TNRC18: variants seen among roughly 807,000 people sequenced by gnomAD.
The protein encoded by TNRC18 is trinucleotide repeat-containing gene 18 protein.
A neutral mutation model predicts 226.7 loss-of-function variants in TNRC18; 69 were observed. The observed-to-expected ratio is 0.30, with a 90% confidence interval of 0.25 to 0.37. The LOEUF (loss-of-function observed/expected upper bound fraction) is 0.37. Among genes scored for constraint, TNRC18 ranks in the 10% least tolerant of loss-of-function variants. TNRC18 has a pLI of 1.00. For synonymous variants in TNRC18, 2,449 were observed against 1,927.6 expected (o/e 1.27, Z -7.09); for missense variants, 4,754 against 4,256.6 (o/e 1.12, Z -3.25).
At chr7:5,340,258 A>C (rs1344603932) in intron 18 of TNRC18, among the ~76,000 whole-genome samples, 1 of 152,234 alleles carries the variant, frequency 6.6e-6, no homozygotes, top group Non-Finnish European at 1.5e-5. Flanking sequence ...TTCATTGCTG[A>C]CATAGAGAAA....
At chr7:5,345,214 G>A (rs991028543) in intron 18 of TNRC18, among the ~76,000 whole-genome samples, 2 of 152,244 alleles carry the variant, frequency 1.3e-5, no homozygotes, top group African/African-American at 4.8e-5. Context: ...GCCAGACTGG[G>A]TGTCACCAAC....
At chr7:5,421,917 C>A (rs1782610488) in intron 1 of TNRC18, among the ~76,000 whole-genome samples, 1 of 152,262 alleles carries the variant, frequency 6.6e-6, no homozygotes, top group Non-Finnish European at 1.5e-5. Flanking sequence ...TCCCAAAACA[C>A]TCTGGCACTA....
intron 17 of TNRC18, among the ~76,000 whole-genome samples, chr7:5,350,548 T>A (rs1334734587): frequency 6.6e-6 from 1 of 152,168 alleles, no homozygotes; most frequent in Non-Finnish European, 1.5e-5. Flanking sequence ...CAGGTGTGGC[T>A]ACCCAGGGCC....
intron 24 of TNRC18, 45 bp downstream of exon 24, chr7:5,320,273 T>G: frequency 7.8e-5 from 113 of 1,448,782 alleles, no homozygotes; most frequent in Non-Finnish European, 1.0e-4. Flanking sequence ...AAGTCCATAC[T>G]GAGATGTTAG....
intron 5 of TNRC18, among the ~76,000 whole-genome samples, chr7:5,380,930 G>C (rs1779353265): frequency 6.6e-6 from 1 of 152,294 alleles, no homozygotes; most frequent in East Asian, 1.9e-4. Context: ...GGTCCTCCTG[G>C]AGTCTGGGAC....
At chr7:5,421,992 T>A (rs1408615651) in intron 1 of TNRC18, among the ~76,000 whole-genome samples, 3 of 152,300 alleles carry the variant, frequency 2.0e-5, no homozygotes, top group Admixed American at 2.0e-4. Flanking sequence ...GAGTTTGGTT[T>A]TTCCTGAGCT....
In TNRC18 at chr7:5,376,134, T is replaced by G; in HGVS notation, c.2699A>C (p.Gln900Pro). Residue 900 changes from glutamine (Q) to proline (P), a missense_variant, in exon 9 of 30, where the codon CAG becomes CCG. Physicochemically the swap from Gln to Pro is moderately conservative, Grantham distance 76. Transcript: ENST00000430969. The part of the protein sequence containing the change: ...RSPLHHAQQL[Q>P]LFSQQHFLRQ... ...CAGGAAGTGCTGCTGTGAGAAGAGC[T>G]GCAGCTGCTGGGCGTGGTGCAGGGG... The G allele has an allele frequency of 6.3e-7, 1 of 1,589,112 alleles. No individual in the cohort carries two copies.
Position 5,393,776 on chromosome 7 carries a change from G to A in TNRC18, c.343+664C>T, listed in dbSNP as rs182577491. Among the ~76,000 whole-genome samples, 81 of 152,276 alleles carry A rather than the reference G, an allele frequency of 5.3e-4. 1 individual carries two copies. Among genetic ancestry groups the A allele is most frequent in the African/African-American group, 1.9e-3 (78 of 41,546 alleles). ...CTAGAGAAATCCAGAATCTGCTCAC[G>A]ACCCCGGGGAAGCCAGGCCTGCAGA... is the stretch of plus-strand genomic sequence containing the variant. On this transcript the variant is annotated intron_variant, in intron 3 of 29. Coordinates refer to ENST00000430969, the MANE Select transcript of TNRC18 (RefSeq NM_001080495.3).
At position 5,388,795 on chromosome 7, in the gene TNRC18, C is replaced by G; in HGVS notation, c.1029G>C (p.Lys343Asn). The G allele has an allele frequency of 8.3e-7, 1 of 1,201,272 alleles. No individual in the cohort carries two copies. Among genetic ancestry groups the G allele is most frequent in the Non-Finnish European group, 1.0e-6 (1 of 967,320 alleles). The allele number at this position is 1,201,272 out of a possible 1,614,324, so 74.4% of individuals were successfully genotyped here. Residue 343 changes from lysine (K) to asparagine (N), a missense_variant, in exon 5 of 30, where the codon AAG becomes AAC. Physicochemically the swap from Lys to Asn is moderately conservative, Grantham distance 94 (BLOSUM62 0). Coordinates refer to ENST00000430969, the MANE Select transcript of TNRC18 (RefSeq NM_001080495.3). Reference sequence around the variant, plus strand: ...TGGCCGCGGGGGGTGCAGGAGGCCCCTTGGGGGGCGCGGGCGGCGGGGGCA... The same window carrying G: ...TGGCCGCGGGGGGTGCAGGAGGCCCGTTGGGGGGCGCGGGCGGCGGGGGCA... The part of the protein sequence containing the change: ...SPLPPPPAPP[K>N]GPPAPPAATP...
chr7:5,334,478 T>A (rs930056400), intron 18 of TNRC18, among the ~76,000 whole-genome samples: 19 of 144,364 alleles, frequency 1.3e-4, no homozygotes, highest in Non-Finnish European at 2.0e-4. Flanking sequence ...TTTTTTTTTT[T>A]AGTAGAGACG....
chr7:5,360,890 C>G (rs1792964397), intron 14 of TNRC18, among the ~76,000 whole-genome samples: 1 of 152,184 alleles, frequency 6.6e-6, no homozygotes, highest in Non-Finnish European at 1.5e-5. Context: ...CCCCCACGCT[C>G]CTTCTGCTTC....
At chr7:5,408,429 C>A (rs1781624609) in intron 2 of TNRC18, among the ~76,000 whole-genome samples, 1 of 152,080 alleles carries the variant, frequency 6.6e-6, no homozygotes, top group Non-Finnish European at 1.5e-5. Context: ...GGGTAGATCA[C>A]CTGAGGTCAG....
At position 5,307,064 on chromosome 7, in the gene TNRC18, A is replaced by C. The variant is rs1412230914; in HGVS notation, c.*1042T>G. ...GCCTCTCCCTCTTCTCTCCCTAACA[A>C]ACACTTCTCTATCCTGGGGGGTGAG... On this transcript the variant is annotated 3_prime_UTR_variant, in exon 30 of 30. Coordinates refer to ENST00000430969, the MANE Select transcript of TNRC18 (RefSeq NM_001080495.3). The C allele has an allele frequency of 7.0e-6, 1 of 143,030 alleles. No homozygotes were observed. The highest frequency in any genetic ancestry group is 6.9e-5 in the Admixed American group (1 of 14,392). The allele number at this position is 143,030 out of a possible 1,614,324, so 8.9% of individuals were successfully genotyped here.
At chr7:5,331,039 T>C (rs1789474653) in intron 19 of TNRC18, among the ~76,000 whole-genome samples, 1 of 152,164 alleles carries the variant, frequency 6.6e-6, no homozygotes, top group Admixed American at 6.6e-5. Context: ...AAACCTGAGA[T>C]GGCCTCTGCC....
In TNRC18 at chr7:5,388,619, C is replaced by A. The variant is rs1404976757; in HGVS notation, c.1205G>T (p.Arg402Leu). Residue 402 changes from arginine to leucine, a missense_variant, in exon 5 of 30, where the codon CGC becomes CTC. Coordinates refer to ENST00000430969, the MANE Select transcript of TNRC18 (RefSeq NM_001080495.3). ...SQARDARAREREAGRPGVLQA... is the reference protein window; with the variant it reads ...SQARDARARELEAGRPGVLQA... Reference sequence around the variant, plus strand: ...CAGGACCCCTGGCCTGCCAGCCTCGCGCTCGCGGGCCCGGGCATCGCGCGC... The same window carrying A: ...CAGGACCCCTGGCCTGCCAGCCTCGAGCTCGCGGGCCCGGGCATCGCGCGC... The A allele has an allele frequency of 7.8e-7, 1 of 1,284,298 alleles. No homozygotes were observed. The allele number at this position is 1,284,298 out of a possible 1,614,324, so 79.6% of individuals were successfully genotyped here.
At chr7:5,383,398 G>A (rs903875697) in intron 5 of TNRC18, among the ~76,000 whole-genome samples, 3 of 152,326 alleles carry the variant, frequency 2.0e-5, no homozygotes, top group Non-Finnish European at 1.5e-5. Context: ...CCTAATGCCT[G>A]AATATGAGCA....
rs531996838 is a variant in TNRC18, at chr7:5,387,653, G to A, written c.2152+19C>T. On this transcript the variant is annotated intron_variant, in intron 5 of 29. Coordinates refer to ENST00000430969, the MANE Select transcript of TNRC18 (RefSeq NM_001080495.3). ...AGACCCAAGATCCTACCCGCACCTG[G>A]GCTCTGCCCAGGACCTACCTTTGAC... 2 of 1,601,592 alleles carry A rather than the reference G, an allele frequency of 1.2e-6. No homozygotes were observed. Among genetic ancestry groups the A allele is most frequent in the African/African-American group, 2.7e-5 (2 of 75,026 alleles).
At chr7:5,330,771 T>A (rs1378985559) in intron 19 of TNRC18, among the ~76,000 whole-genome samples, 1 of 152,150 alleles carries the variant, frequency 6.6e-6, no homozygotes, top group Non-Finnish European at 1.5e-5. Context: ...CCTTCCGGGC[T>A]CAAGAGATTC....
rs531437801 is a variant in TNRC18 at position 5,356,457 on chromosome 7, G to A, written c.5194+459C>T. On this transcript the variant is annotated intron_variant, in intron 16 of 29. Coordinates refer to ENST00000430969, the MANE Select transcript of TNRC18 (RefSeq NM_001080495.3). ...TCCGCCAACACTTCGCGACAAAGCC[G>A]TGGTCCGCAACAGACGGCATGCTTC... 3.3e-5 allele frequency among the ~76,000 whole-genome samples: 5 copies of A among 152,340 alleles called. No homozygotes were observed. In the East Asian group the frequency reaches 7.7e-4, roughly 24 times the overall value.
Sources: allele counts gnomAD v4.1 joint callset (sites outside exome capture counted in the v4.1 genomes callset), GRCh38; gene constraint gnomAD v4.1.1; transcripts MANE v1.5; gene names NCBI Gene and HGNC (gene_info 2026-07-23, HGNC 2026-07-21).